Variants in MS4A5 observed in about 807,000 individuals in gnomAD.
The protein encoded by MS4A5 is membrane-spanning 4-domains subfamily A member 5.
In MS4A5, 15 loss-of-function variants were observed where a neutral mutation model predicts 18.2. The observed-to-expected ratio is 0.83, with a 90% CI of 0.55 to 1.27. The LOEUF (loss-of-function observed/expected upper bound fraction) is 1.27, where lower values mean the gene tolerates loss of function less well. Among genes scored for constraint, MS4A5 ranks in the 50% most tolerant of loss-of-function variants. The pLI, the probability that MS4A5 is intolerant of heterozygous loss-of-function variation, is 0.00. For missense variants in MS4A5, 232 were observed against 225.7 expected (o/e 1.03, Z -0.18); for synonymous variants, 89 against 78.7 (o/e 1.13, Z -0.69).
At chr11:60,431,191 T>C (rs905779384) in intron 2 of MS4A5, among the ~76,000 whole-genome samples, 1 of 152,226 alleles carries the variant, frequency 6.6e-6, no homozygotes, top group African/African-American at 2.4e-5. Flanking sequence ...CTATTTATTA[T>C]AAGCCAGATA....
chr11:60,446,802 C>G (rs2086140767), intron 4 of MS4A5, among the ~76,000 whole-genome samples: 1 of 151,220 alleles, frequency 6.6e-6, no homozygotes, highest in Non-Finnish European at 1.5e-5. Context: ...TCTTATGTCT[C>G]TTTCGCTTTC....
At chr11:60,444,050 GA>G (rs2086127380) in intron 4 of MS4A5, among the ~76,000 whole-genome samples, 1 of 152,106 alleles carries the variant, frequency 6.6e-6, no homozygotes, top group Admixed American at 6.5e-5. Flanking sequence ...CAAACATTTA[GA>G]AAAGAAACAA....
intron 4 of MS4A5, among the ~76,000 whole-genome samples, chr11:60,445,268 T>C (rs1221412480): frequency 1.3e-5 from 2 of 151,778 alleles, no homozygotes; most frequent in Non-Finnish European, 2.9e-5. Context: ...ATTTCTTCTT[T>C]TTTTTTTTTG....
intron 4 of MS4A5, among the ~76,000 whole-genome samples, chr11:60,447,357 ATG>A (rs2086146466): frequency 1.3e-5 from 2 of 150,198 alleles, no homozygotes; most frequent in Non-Finnish European, 2.9e-5. Flanking sequence ...ATGCTATGCT[ATG>A]CTATGCTATG....
intron 4 of MS4A5, among the ~76,000 whole-genome samples, chr11:60,437,888 C>T (rs1208453774): frequency 6.6e-6 from 1 of 151,154 alleles, no homozygotes; most frequent in Non-Finnish European, 1.5e-5. Flanking sequence ...AACAAGGATA[C>T]CCAGGAATTG....
chr11:60,443,135 C>T (rs766712636), intron 4 of MS4A5, among the ~76,000 whole-genome samples: 18 of 151,690 alleles, frequency 1.2e-4, no homozygotes, highest in Admixed American at 2.6e-4. Context: ...AGCAAGACTC[C>T]GTCTCAAAAA....
At chr11:60,441,589 C>A in intron 4 of MS4A5, among the ~76,000 whole-genome samples, 1 of 145,138 alleles carries the variant, frequency 6.9e-6, no homozygotes. Context: ...ATCTGTCAGT[C>A]TGAAATACTC....
chr11:60,430,313 A>G lies in MS4A5; in HGVS notation c.154-483A>G, dbSNP rs147081080. ...AGTCCTCTGGGCCTGAGAGTGTGAC[A>G]ATACCTCAAGAGGCTCAGAGAATTG... On this transcript the variant is annotated intron_variant, in intron 1 of 4. Transcript: ENST00000300190. Among the ~76,000 whole-genome samples the G allele has an allele frequency of 5.0e-3, 764 of 152,090 alleles. 6 individuals carry two copies. The highest frequency in any genetic ancestry group is 0.018 in the African/African-American group (737 of 41,442).
intron 4 of MS4A5, among the ~76,000 whole-genome samples, chr11:60,447,307 G>GTGCTATGCTATGCTATGCTATGCTA (rs1198924754): frequency 4.8e-4 from 67 of 139,664 alleles, no homozygotes; most frequent in East Asian, 2.2e-3. Flanking sequence ...ATCCTATGCT[G>GTGCTATGCTATGCTATGCTATGCTA]TGCTATGCTA....
rs920972445 is a variant in MS4A5, at chr11:60,432,230, G to A, written c.283-181G>A. ...AGGGCTAAAGGAGATTTCCAGACCAGTGTTTTGTCCACTATTCCATTTGTG... is the reference window on the plus strand; with the variant it reads ...AGGGCTAAAGGAGATTTCCAGACCAATGTTTTGTCCACTATTCCATTTGTG... On this transcript the variant is annotated intron_variant, in intron 2 of 4. Coordinates refer to ENST00000300190, the MANE Select transcript of MS4A5 (RefSeq NM_023945.3). 9.2e-5 allele frequency among the ~76,000 whole-genome samples: 14 copies of A among 152,304 alleles called. No homozygotes were observed. The East Asian group carries it at 2.7e-3, about 29-fold the overall frequency.
chr11:60,433,651 C>T (rs1311581857), intron 3 of MS4A5, 114 bp from the exon 4 acceptor site: 39 of 972,660 alleles, frequency 4.0e-5, no homozygotes, highest in Admixed American at 3.4e-4. Flanking sequence ...AGAGCTGCCT[C>T]GTGGCATTAA....
At chr11:60,442,732 C>T (rs2086120495) in intron 4 of MS4A5, among the ~76,000 whole-genome samples, 1 of 152,172 alleles carries the variant, frequency 6.6e-6, no homozygotes, top group African/African-American at 2.4e-5. Flanking sequence ...GAACTTATTC[C>T]TCCTATCTAA....
At chr11:60,437,588 C>T (rs555294707) in intron 4 of MS4A5, among the ~76,000 whole-genome samples, 103 of 151,634 alleles carry the variant, frequency 6.8e-4, no homozygotes, top group Non-Finnish European at 2.5e-4. Flanking sequence ...TTCTACCAAG[C>T]AAATGGAAAA....
intron 4 of MS4A5, among the ~76,000 whole-genome samples, chr11:60,443,441 T>C (rs1001026844): frequency 2.0e-5 from 3 of 151,868 alleles, no homozygotes; most frequent in African/African-American, 7.3e-5. Context: ...AATAGAAATA[T>C]TTATATAAAT....
chr11:60,431,954 C>G (rs900694034), intron 2 of MS4A5, among the ~76,000 whole-genome samples: 1 of 142,210 alleles, frequency 7.0e-6, no homozygotes, highest in Admixed American at 7.0e-5. Flanking sequence ...ACGTGTGACC[C>G]ACTTCCAAGA....
At chr11:60,446,648 G>A (rs1045037327) in intron 4 of MS4A5, among the ~76,000 whole-genome samples, 1 of 151,694 alleles carries the variant, frequency 6.6e-6, no homozygotes, top group East Asian at 1.9e-4. Context: ...CAGGAGAATC[G>A]CTTGAACCTG....
At chr11:60,441,218 A>G (rs1168204507) in intron 4 of MS4A5, among the ~76,000 whole-genome samples, 1 of 138,122 alleles carries the variant, frequency 7.2e-6, no homozygotes, top group Non-Finnish European at 1.6e-5. Context: ...ATAGGTGGGA[A>G]TTGAACAATG....
chr11:60,436,360 C>T (rs1220978750), intron 4 of MS4A5, among the ~76,000 whole-genome samples: 1 of 139,404 alleles, frequency 7.2e-6, no homozygotes, highest in Non-Finnish European at 1.6e-5. Context: ...CTCTAAAAAG[C>T]AGAGTGCCAC....
At chr11:60,438,257 G>A (rs2086091604) in intron 4 of MS4A5, among the ~76,000 whole-genome samples, 1 of 152,148 alleles carries the variant, frequency 6.6e-6, no homozygotes, top group Non-Finnish European at 1.5e-5. Context: ...CAGAATCTCT[G>A]GGATGCATTC....
Sources: gnomAD v4.1 joint callset for allele counts (sites outside exome capture counted in the v4.1 genomes callset) on GRCh38, gnomAD v4.1.1 for gene constraint, MANE v1.5 for transcripts, NCBI Gene and HGNC (gene_info 2026-07-23, HGNC 2026-07-21) for gene names.